The following ROBO2 variants were observed in gnomAD, a reference collection of about 807,000 sequenced individuals.
ROBO2 encodes roundabout homolog 2.
ROBO2 carries 53 observed loss-of-function variants against 160.8 expected under a neutral mutation model. The ratio of observed to expected loss-of-function variants is 0.33; its 90% CI spans 0.26 to 0.41. ROBO2 has a LOEUF of 0.41. ROBO2 is among the 10% of genes least tolerant of loss of function. The pLI is 1.00. For missense variants in ROBO2, 1,577 were observed against 1,722.4 expected, an observed-to-expected ratio of 0.92 and a Z score of 1.49; for synonymous variants, 664 against 611.7, an observed-to-expected ratio of 1.09 and a Z score of -1.26.
chr3:76,535,177 A>G (rs2082428324), intron 2 of ROBO2, among the ~76,000 whole-genome samples: 1 of 151,984 alleles, frequency 6.6e-6, no homozygotes, highest in Non-Finnish European at 1.5e-5. Flanking sequence ...GGGGGTATTG[A>G]GGAGAGGAGA....
At chr3:77,458,470 A>T (rs1423687426) in intron 2 of ROBO2, among the ~76,000 whole-genome samples, 10 of 152,194 alleles carry the variant, frequency 6.6e-5, no homozygotes. Context: ...AGTGAAGACC[A>T]GTCCTGAGGG....
At chr3:76,838,865 G>T (rs1317835920) in intron 2 of ROBO2, among the ~76,000 whole-genome samples, 1 of 152,106 alleles carries the variant, frequency 6.6e-6, no homozygotes. Flanking sequence ...TACCTTCCAA[G>T]AGGAATGTTA....
At chr3:76,167,210 G>A (rs1420156337) in intron 2 of ROBO2, among the ~76,000 whole-genome samples, 1 of 152,036 alleles carries the variant, frequency 6.6e-6, no homozygotes, top group African/African-American at 2.4e-5. Flanking sequence ...TAAAGTGCTG[G>A]GATTACAGGA....
At chr3:76,871,048 A>C (rs1239879416) in intron 2 of ROBO2, among the ~76,000 whole-genome samples, 1 of 152,204 alleles carries the variant, frequency 6.6e-6, no homozygotes, top group African/African-American at 2.4e-5. Context: ...CTTACTCTGT[A>C]GTTCTTGGAC....
At chr3:76,693,560 C>T (rs895103586) in intron 2 of ROBO2, among the ~76,000 whole-genome samples, 5 of 151,730 alleles carry the variant, frequency 3.3e-5, no homozygotes, top group African/African-American at 7.3e-5. Context: ...ATTTTGGAGG[C>T]GGAGAAGTCC....
chr3:76,461,362 A>C (rs550574592), intron 2 of ROBO2, among the ~76,000 whole-genome samples: 1 of 152,198 alleles, frequency 6.6e-6, no homozygotes, highest in Admixed American at 6.5e-5. Context: ...TGGGGTTACA[A>C]TTCAACACGA....
chr3:76,636,465 A>G (rs1184054246), intron 2 of ROBO2, among the ~76,000 whole-genome samples: 3 of 152,202 alleles, frequency 2.0e-5, no homozygotes, highest in Non-Finnish European at 2.9e-5. Flanking sequence ...TCACGGAACC[A>G]TAGCTGAGGC....
intron 2 of ROBO2, among the ~76,000 whole-genome samples, chr3:76,179,036 A>G (rs967125502): frequency 9.9e-5 from 15 of 152,188 alleles, no homozygotes; most frequent in African/African-American, 3.1e-4. Flanking sequence ...ATTTTAAGTT[A>G]GAAAAGTTAT....
intron 2 of ROBO2, among the ~76,000 whole-genome samples, chr3:77,027,781 T>G (rs1358138707): frequency 6.6e-6 from 1 of 152,100 alleles, no homozygotes; most frequent in Non-Finnish European, 1.5e-5. Flanking sequence ...ATTAAGTGTG[T>G]GCGTGTGTGC....
intron 2 of ROBO2, among the ~76,000 whole-genome samples, chr3:77,387,087 C>T (rs2074205054): frequency 6.6e-6 from 1 of 151,840 alleles, no homozygotes; most frequent in Admixed American, 6.6e-5. Context: ...CAGCCTCGGC[C>T]CCATTCATGA....
At chr3:76,131,140 T>C (rs577724481) in intron 2 of ROBO2, among the ~76,000 whole-genome samples, 2 of 152,284 alleles carry the variant, frequency 1.3e-5, no homozygotes, top group South Asian at 2.1e-4. Flanking sequence ...TGTGCTAAAA[T>C]TTAAAAAGTA....
At chr3:77,076,870 C>T (rs914582076) in intron 1 of ROBO2, among the ~76,000 whole-genome samples, 3 of 151,968 alleles carry the variant, frequency 2.0e-5, no homozygotes, top group Admixed American at 6.6e-5. Context: ...TATAAGCAAA[C>T]TGATACTGAT....
At chr3:76,683,462 CGAAAAAAAA>C (rs1424735981) in intron 2 of ROBO2, among the ~76,000 whole-genome samples, 2 of 70,958 alleles carry the variant, frequency 2.8e-5, no homozygotes, top group Non-Finnish European at 5.0e-5. Flanking sequence ...TAACCCCCAC[CGAAAAAAAA>C]AAAAAAAAAC....
At chr3:76,213,931 TGATATA>T (rs899898405) in intron 2 of ROBO2, among the ~76,000 whole-genome samples, 93 of 152,254 alleles carry the variant, frequency 6.1e-4, no homozygotes, top group African/African-American at 1.7e-3. Flanking sequence ...TAGATTTAGA[TGATATA>T]GATATAGATA....
chr3:76,078,349 C>A (rs751354422), intron 2 of ROBO2, among the ~76,000 whole-genome samples: 1 of 151,968 alleles, frequency 6.6e-6, no homozygotes, highest in South Asian at 2.1e-4. Context: ...TAGCAGTAAG[C>A]GATTTATTTA....
intron 2 of ROBO2, among the ~76,000 whole-genome samples, chr3:76,755,105 T>C (rs2060893910): frequency 4.6e-5 from 7 of 151,900 alleles, no homozygotes; most frequent in Admixed American, 4.6e-4. Flanking sequence ...TTAGAAATAG[T>C]TTGACTGTGT....
At chr3:77,551,412 A>T (rs2153653962) in intron 8 of ROBO2, among the ~76,000 whole-genome samples, 1 of 152,166 alleles carries the variant, frequency 6.6e-6, no homozygotes, top group South Asian at 2.1e-4. Flanking sequence ...TCACATTAGG[A>T]CATTCCTATG....
intron 23 of ROBO2, among the ~76,000 whole-genome samples, chr3:77,626,155 AGT>A (rs148657531): frequency 6.6e-6 from 1 of 152,300 alleles, no homozygotes; most frequent in African/African-American, 2.4e-5. Flanking sequence ...TGTGGAACTG[AGT>A]GTGTGTGTAT....
chr3:76,046,459 C>A (rs1045295605), intron 2 of ROBO2, among the ~76,000 whole-genome samples: 2 of 151,896 alleles, frequency 1.3e-5, no homozygotes, highest in Admixed American at 6.6e-5. Flanking sequence ...ACCATCCCGG[C>A]TAACGCGGTG....
Sources: gnomAD v4.1 joint callset for allele counts (sites outside exome capture counted in the v4.1 genomes callset) on GRCh38, gnomAD v4.1.1 for gene constraint, MANE v1.5 for transcripts, NCBI Gene and HGNC (gene_info 2026-07-23, HGNC 2026-07-21) for gene names.